UNC5A: variants seen among roughly 807,000 people sequenced by gnomAD.
UNC5A encodes the protein netrin receptor UNC5A.
UNC5A carries 20 observed loss-of-function variants against 87.4 expected under a neutral mutation model. That is an observed-to-expected ratio of 0.23 (90% CI 0.16 to 0.33). The LOEUF is 0.33. UNC5A is among the 10% of genes least tolerant of loss of function. The probability of loss-of-function intolerance (pLI) is 1.00; values close to 1 mark genes in which losing one functional copy is unlikely to be tolerated. For missense variants in UNC5A, 844 were observed against 1,133.4 expected, an observed-to-expected ratio of 0.74 and a Z score of 3.67; for synonymous variants, 438 against 482.3, an observed-to-expected ratio of 0.91 and a Z score of 1.20.
chr5:176,862,945 C>T, intron 2 of UNC5A, 100 bp downstream of exon 2: 1 of 1,393,714 alleles, frequency 7.2e-7, no homozygotes. Flanking sequence ...CCACCTGGGA[C>T]CCCGGAGGCC....
At chr5:176,850,190 G>A (rs967324826) in intron 1 of UNC5A, among the ~76,000 whole-genome samples, 131 of 152,342 alleles carry the variant, frequency 8.6e-4, no homozygotes, top group African/African-American at 3.0e-3. Context: ...AGTAGGTGGG[G>A]TGCCCTGCAG....
At chr5:176,820,216 T>A (rs1360034227) in intron 1 of UNC5A, among the ~76,000 whole-genome samples, 1 of 152,078 alleles carries the variant, frequency 6.6e-6, no homozygotes, top group African/African-American at 2.4e-5. Flanking sequence ...GCTAACATGG[T>A]GAAACCACGT....
intron 1 of UNC5A, among the ~76,000 whole-genome samples, chr5:176,847,094 C>T (rs767757246): frequency 6.6e-6 from 1 of 152,154 alleles, no homozygotes; most frequent in East Asian, 1.9e-4. Context: ...ATGGGTGCCC[C>T]GCTCCCGCCT....
At chr5:176,814,167 C>A (rs1323114738) in intron 1 of UNC5A, among the ~76,000 whole-genome samples, 1 of 152,198 alleles carries the variant, frequency 6.6e-6, no homozygotes, top group Admixed American at 6.5e-5. Flanking sequence ...CCTCGGGCCT[C>A]CTCCACTCAG....
At position 176,875,068 on chromosome 5, in the gene UNC5A, C is replaced by T. The variant is rs1035121547; in HGVS notation, c.1378+502C>T. Among the ~76,000 whole-genome samples, 1 of 152,192 alleles carries T rather than the reference C, an allele frequency of 6.6e-6. No individual in the cohort carries two copies. Among genetic ancestry groups the T allele is most frequent in the East Asian group, 1.9e-4 (1 of 5,188 alleles). On this transcript the variant is annotated intron_variant, in intron 8 of 14. Coordinates refer to ENST00000329542, the MANE Select transcript of UNC5A (RefSeq NM_133369.3). This position sits in a 1 kb window ranked among gnomAD's most constrained non-coding sequence, Gnocchi z 5.2. ...CCACTCCCACCCGAAATTCCCAAGT[C>T]CCTCAGCTTAGATGACCCCATGCGC...
At chr5:176,843,615 C>T (rs967027141) in intron 1 of UNC5A, among the ~76,000 whole-genome samples, 1 of 152,212 alleles carries the variant, frequency 6.6e-6, no homozygotes, top group Non-Finnish European at 1.5e-5. Flanking sequence ...AAAAGCAGAG[C>T]CGGGGTGTAG....
chr5:176,858,870 G>A (rs1757745004), intron 1 of UNC5A, among the ~76,000 whole-genome samples: 1 of 152,134 alleles, frequency 6.6e-6, no homozygotes, highest in Admixed American at 6.5e-5. Flanking sequence ...GGAGGCGAGA[G>A]GCTCGGCTGT....
chr5:176,860,560 C>T (rs970754426), intron 1 of UNC5A, among the ~76,000 whole-genome samples: 1 of 152,174 alleles, frequency 6.6e-6, no homozygotes, highest in Non-Finnish European at 1.5e-5. Context: ...GGTGACTGTA[C>T]ACTTGATGAG....
Position 176,819,009 on chromosome 5 carries a change from A to G in UNC5A, c.70+8189A>G, listed in dbSNP as rs1278658090. Among the ~76,000 whole-genome samples the G allele has an allele frequency of 3.3e-5, 5 of 152,160 alleles. No homozygotes were observed. The East Asian group carries it at 9.6e-4, about 29-fold the overall frequency. ...GACTGTTCAAAACCACTTTCTTATA[A>G]TGAAGGGGACTCTTTCCCAGTAAGC... is the stretch of plus-strand genomic sequence containing the variant. On this transcript the variant is annotated intron_variant, in intron 1 of 14. Coordinates refer to ENST00000329542, the MANE Select transcript of UNC5A (RefSeq NM_133369.3).
chr5:176,878,987 A>AG (rs1297881057), intron 13 of UNC5A, among the ~76,000 whole-genome samples: 1 of 152,114 alleles, frequency 6.6e-6, no homozygotes, highest in Non-Finnish European at 1.5e-5. Flanking sequence ...AGAGCTGGGC[A>AG]GGGGGGACTC....
At position 176,880,856 on chromosome 5, in the gene UNC5A, T is replaced by C; in HGVS notation, c.*970T>C. 1 of 472,578 alleles carries C rather than the reference T, an allele frequency of 2.1e-6. No individual in the cohort carries two copies. The allele number at this position is 472,578 out of a possible 1,614,324, so 29.3% of individuals were successfully genotyped here. ...CGGCCGCCGGGGCACATAGGGGTTT[T>C]ATCGGGCGTGAATGTAAATAAATTA... On this transcript the variant is annotated 3_prime_UTR_variant, in exon 15 of 15. Transcript: ENST00000329542.
At chr5:176,815,489 C>T (rs1258460084) in intron 1 of UNC5A, among the ~76,000 whole-genome samples, 1 of 152,254 alleles carries the variant, frequency 6.6e-6, no homozygotes, top group Non-Finnish European at 1.5e-5. Context: ...AAGCAACTTG[C>T]AGTCCCCAGC....
At chr5:176,835,546 G>A (rs374647055) in intron 1 of UNC5A, among the ~76,000 whole-genome samples, 2 of 152,294 alleles carry the variant, frequency 1.3e-5, no homozygotes, top group African/African-American at 4.8e-5. Flanking sequence ...GCCTGGCTCC[G>A]GCCCCTTCCC....
chr5:176,847,732 TTAAA>T (rs1757447855), intron 1 of UNC5A, among the ~76,000 whole-genome samples: 2 of 146,988 alleles, frequency 1.4e-5, no homozygotes, highest in Non-Finnish European at 3.0e-5. Context: ...TTATTAAGAT[TTAAA>T]TATTCATGCA....
Position 176,875,768 on chromosome 5 carries a change from A to G in UNC5A, c.1378+1202A>G, listed in dbSNP as rs1758246645. Among the ~76,000 whole-genome samples the G allele has an allele frequency of 6.6e-6, 1 of 151,758 alleles. No homozygotes were observed. The highest frequency in any genetic ancestry group is 6.6e-5 in the Admixed American group (1 of 15,238). ...CATCGTCCCGCACACGGCAGCCACC[A>G]TGGACTCAACATCCCCGACACACGG... On this transcript the variant is annotated intron_variant, in intron 8 of 14. Transcript: ENST00000329542. This position sits in a 1 kb window ranked among gnomAD's most constrained non-coding sequence, Gnocchi z 5.2.
chr5:176,814,464 C>T (rs943296218), intron 1 of UNC5A, among the ~76,000 whole-genome samples: 1 of 152,182 alleles, frequency 6.6e-6, no homozygotes, highest in Non-Finnish European at 1.5e-5. Flanking sequence ...CAGCATGCTC[C>T]CCACCCAACA....
At chr5:176,843,993 T>C (rs1454744627) in intron 1 of UNC5A, among the ~76,000 whole-genome samples, 1 of 152,254 alleles carries the variant, frequency 6.6e-6, no homozygotes, top group East Asian at 1.9e-4. Flanking sequence ...TAAAGTTTGT[T>C]ATGAATTATT....
intron 1 of UNC5A, among the ~76,000 whole-genome samples, chr5:176,857,092 C>A (rs1757685780): frequency 1.3e-5 from 2 of 152,242 alleles, no homozygotes; most frequent in African/African-American, 2.4e-5. Context: ...GAGCCCCGCT[C>A]CCTCGAGAGC....
At position 176,873,815 on chromosome 5, in the gene UNC5A, C is replaced by T. The variant is rs1015362319; in HGVS notation, c.887-153C>T. Among the ~76,000 whole-genome samples the T allele has an allele frequency of 4.6e-5, 7 of 152,290 alleles. No individual in the cohort carries two copies. In the East Asian group the frequency reaches 9.7e-4, roughly 21 times the overall value. On this transcript the variant is annotated intron_variant, in intron 6 of 14. Coordinates refer to ENST00000329542, the MANE Select transcript of UNC5A (RefSeq NM_133369.3). ...AATACAGGGCTGGGATGCACACGCA[C>T]GGACTCCATGCTCCCTGCCACAAGC...
Sources: allele counts gnomAD v4.1 joint callset (sites outside exome capture counted in the v4.1 genomes callset), GRCh38; gene constraint gnomAD v4.1.1; non-coding constraint Gnocchi (gnomAD v3.1); transcripts MANE v1.5; gene names NCBI Gene and HGNC (gene_info 2026-07-23, HGNC 2026-07-21).